The following PPFIBP1 variants were observed in gnomAD, a reference collection of about 807,000 sequenced individuals.
PPFIBP1 encodes the protein liprin-beta-1.
PPFIBP1 carries 112 observed loss-of-function variants against 137.8 expected under a neutral mutation model. The ratio of observed to expected loss-of-function variants is 0.81; its 90% CI spans 0.70 to 0.95. The LOEUF (loss-of-function observed/expected upper bound fraction) is 0.95, where lower values mean the gene tolerates loss of function less well. Ranked by LOEUF, PPFIBP1 falls within the 40% of genes least tolerant of loss-of-function variation. The pLI is 0.00. For missense variants in PPFIBP1, 1,083 were observed against 1,196.6 expected, an observed-to-expected ratio of 0.91 and a Z score of 1.40; for synonymous variants, 378 against 417.3, an observed-to-expected ratio of 0.91 and a Z score of 1.15.
At chr12:27,571,376 A>G (rs1471628132) in intron 1 of PPFIBP1, among the ~76,000 whole-genome samples, 1 of 152,200 alleles carries the variant, frequency 6.6e-6, no homozygotes, top group Non-Finnish European at 1.5e-5. Flanking sequence ...TTTGATGAGC[A>G]TTGTCAATTG....
In PPFIBP1 at chr12:27,691,817, T is replaced by G. The variant is rs777699882; in HGVS notation, c.2754T>G (p.Tyr918Ter). 6.2e-7 allele frequency: 1 copy of G among 1,613,930 alleles called. No homozygotes were observed. The change falls in exon 28 of 30, where the codon TAT becomes TAG. Residue 918 changes from tyrosine to a stop codon, truncating the protein, a stop_gained. Coordinates refer to ENST00000228425, the MANE Select transcript of PPFIBP1 (RefSeq NM_003622.4). LOFTEE classifies it high-confidence loss of function. ...RKKKQEDGEE[Y>*]VCPMELGQAS... ...AGAAACAGGAAGATGGTGAAGAATA[T>G]GTTTGTCCAATGGAATTGGGACAGG...
intron 4 of PPFIBP1, chr12:27,636,227 A>C (rs911088327): frequency 6.8e-6 from 1 of 146,346 alleles, no homozygotes; most frequent in African/African-American, 2.5e-5. Flanking sequence ...AGTACAATCT[A>C]TCCTTTAGTG....
chr12:27,579,737 T>C (rs1326129932), intron 2 of PPFIBP1, among the ~76,000 whole-genome samples: 1 of 152,228 alleles, frequency 6.6e-6, no homozygotes, highest in Non-Finnish European at 1.5e-5. Flanking sequence ...GATTCTATTT[T>C]GTTTGTTCAG....
intron 1 of PPFIBP1, among the ~76,000 whole-genome samples, chr12:27,568,117 T>C (rs933648957): frequency 1.3e-5 from 2 of 152,142 alleles, no homozygotes; most frequent in African/African-American, 4.8e-5. Context: ...AGAGACTACA[T>C]GGCATGGACC....
In PPFIBP1 at chr12:27,681,952, A is replaced by G. The variant is rs369883762; in HGVS notation, c.2046+256A>G. Among the ~76,000 whole-genome samples the G allele has an allele frequency of 3.1e-4, 47 of 151,694 alleles. 1 individual carries two copies. The highest frequency in any genetic ancestry group is 1.3e-3 in the Admixed American group (20 of 15,218). ...GAATTACATAAGCATAATTCAGTTC[A>G]TATTTCTCGAAATCATTGTTTGGCT... On this transcript the variant is annotated intron_variant, in intron 22 of 29. Coordinates refer to ENST00000228425, the MANE Select transcript of PPFIBP1 (RefSeq NM_003622.4).
intron 6 of PPFIBP1, among the ~76,000 whole-genome samples, chr12:27,649,595 G>T (rs1431166478): frequency 6.6e-6 from 1 of 152,052 alleles, no homozygotes; most frequent in Non-Finnish European, 1.5e-5. Flanking sequence ...CTGTTGCCCA[G>T]GCTGGAGTGC....
At chr12:27,665,365 G>A (rs968945197) in intron 12 of PPFIBP1, among the ~76,000 whole-genome samples, 7 of 152,146 alleles carry the variant, frequency 4.6e-5, no homozygotes, top group Non-Finnish European at 7.4e-5. Flanking sequence ...TGAGATAGAG[G>A]AGGAGAGTGA....
rs1242734332 is a variant in PPFIBP1, at chr12:27,635,077, A to G, written c.232A>G (p.Thr78Ala). Residue 78 changes from threonine to alanine, a missense_variant, in exon 4 of 30, where the codon ACA becomes GCA. Transcript: ENST00000228425. Reference protein sequence around the residue: ...EGLRCQIPDSTAETLVEWLQS... With the variant: ...EGLRCQIPDSAAETLVEWLQS... ...CTTGAGATGCCAGATCCCAGATTCA[A>G]CAGCAGAAACGCTTGTTGAATGGCT... 1.9e-6 allele frequency: 3 copies of G among 1,614,214 alleles called. No homozygotes were observed. The highest frequency in any genetic ancestry group is 2.5e-6 in the Non-Finnish European group (3 of 1,180,010).
chr12:27,556,091 C>T (rs757181109), intron 1 of PPFIBP1, among the ~76,000 whole-genome samples: 3 of 152,200 alleles, frequency 2.0e-5, no homozygotes, highest in Non-Finnish European at 4.4e-5. Context: ...GGCATCACAA[C>T]AGGCCAGTTT....
At chr12:27,580,011 G>C (rs1159824353) in intron 2 of PPFIBP1, among the ~76,000 whole-genome samples, 2 of 152,130 alleles carry the variant, frequency 1.3e-5, no homozygotes, top group Non-Finnish European at 2.9e-5. Context: ...AGAGGAAATA[G>C]ATCCAGAAAA....
At position 27,625,276 on chromosome 12, in the gene PPFIBP1, A is replaced by G. The variant is rs138564650; in HGVS notation, c.-35-8086A>G. Reference sequence around the variant, plus strand: ...AAATATTTGTATAGATGGATAGAATAGTATAGTGTACCCCTACATACCACC... The same window carrying G: ...AAATATTTGTATAGATGGATAGAATGGTATAGTGTACCCCTACATACCACC... On this transcript the variant is annotated intron_variant, in intron 2 of 29. Transcript: ENST00000228425. Among the ~76,000 whole-genome samples the G allele has an allele frequency of 1.8e-4, 28 of 152,294 alleles. No homozygotes were observed. In the East Asian group the frequency reaches 4.2e-3, roughly 23 times the overall value.
intron 2 of PPFIBP1, among the ~76,000 whole-genome samples, chr12:27,623,888 A>C (rs570636354): frequency 2.6e-5 from 4 of 152,230 alleles, no homozygotes; most frequent in South Asian, 4.2e-4. Flanking sequence ...CACAGCAAGC[A>C]TTTGGTGTCC....
intron 1 of PPFIBP1, among the ~76,000 whole-genome samples, chr12:27,533,594 GA>G (rs1256337994): frequency 3.9e-5 from 6 of 152,166 alleles, no homozygotes. Context: ...AAGCCAGTAT[GA>G]ACTGTTAGTT....
intron 1 of PPFIBP1, among the ~76,000 whole-genome samples, chr12:27,553,054 A>G (rs2126681): frequency 0.99 from 150,169 of 152,208 alleles, 74,109 homozygotes; most frequent in East Asian, 1. Flanking sequence ...GTGCACGCAG[A>G]GGCCTAGGAG....
intron 4 of PPFIBP1, among the ~76,000 whole-genome samples, chr12:27,638,183 G>T (rs577765467): frequency 6.6e-6 from 1 of 152,118 alleles, no homozygotes; most frequent in South Asian, 2.1e-4. Flanking sequence ...CCACTGAACT[G>T]TACACTTTAA....
chr12:27,661,862 CTGAT>C (rs1332220601), intron 11 of PPFIBP1, among the ~76,000 whole-genome samples: 6 of 152,088 alleles, frequency 3.9e-5, no homozygotes, highest in African/African-American at 1.2e-4. Context: ...TGGAAGTAAA[CTGAT>C]TGTCATGTCT....
intron 3 of PPFIBP1, 69 bp from the exon 4 acceptor site, chr12:27,634,841 C>T (rs777048500): frequency 7.5e-5 from 100 of 1,342,006 alleles, no homozygotes; most frequent in Admixed American, 5.8e-4. Flanking sequence ...ACTGGTTTAC[C>T]GCCTTCGGCT....
chr12:27,560,496 C>A (rs2049067265), intron 1 of PPFIBP1, among the ~76,000 whole-genome samples: 1 of 152,102 alleles, frequency 6.6e-6, no homozygotes, highest in Admixed American at 6.5e-5. Flanking sequence ...TGATTTGCAT[C>A]CAGTACATGT....
At chr12:27,630,518 C>T (rs2057186527) in intron 2 of PPFIBP1, among the ~76,000 whole-genome samples, 1 of 152,140 alleles carries the variant, frequency 6.6e-6, no homozygotes, top group South Asian at 2.1e-4. Context: ...TTTAAAGTCT[C>T]TATTAACAGC....
Sources: allele counts gnomAD v4.1 joint callset (sites outside exome capture counted in the v4.1 genomes callset), GRCh38; gene constraint gnomAD v4.1.1; transcripts MANE v1.5; gene names NCBI Gene and HGNC (gene_info 2026-07-23, HGNC 2026-07-21).